Variants in ITGA1 observed in about 807,000 individuals in gnomAD.
The protein encoded by ITGA1 is integrin subunit alpha 1.
In ITGA1, 85 loss-of-function variants were observed where a neutral mutation model predicts 145.9. The ratio of observed to expected loss-of-function variants is 0.58; its 90% CI spans 0.49 to 0.70. ITGA1 has a LOEUF of 0.70. Among genes scored for constraint, ITGA1 ranks in the 30% least tolerant of loss-of-function variants. The pLI is 0.00. For synonymous variants in ITGA1, 520 were observed against 495.3 expected, an observed-to-expected ratio of 1.05 and a Z score of -0.66; for missense variants, 1,351 against 1,418.7, an observed-to-expected ratio of 0.95 and a Z score of 0.77.
intron 16 of ITGA1, 31 bp from the exon 17 acceptor site, chr5:52,920,301 T>C: frequency 6.6e-7 from 1 of 1,520,690 alleles, no homozygotes; most frequent in Non-Finnish European, 8.9e-7. Flanking sequence ...AAATAAACAT[T>C]TCCATCAATT....
chr5:52,858,536 G>A (rs1483301017), intron 2 of ITGA1, among the ~76,000 whole-genome samples: 1 of 152,146 alleles, frequency 6.6e-6, no homozygotes, highest in Non-Finnish European at 1.5e-5. Flanking sequence ...TAAATGCCCA[G>A]CATGTAAAAT....
chr5:52,803,573 C>T (rs535500408), intron 1 of ITGA1: 3 of 152,294 alleles, frequency 2.0e-5, no homozygotes, highest in Non-Finnish European at 4.4e-5. Flanking sequence ...CTTGAGAGCT[C>T]TTAAAACCCT....
At position 52,788,052 on chromosome 5, in the gene ITGA1, T is replaced by C. The variant is rs1293228076; in HGVS notation, c.-302T>C. On this transcript the variant is annotated 5_prime_UTR_variant, in exon 1 of 29. Coordinates refer to ENST00000282588, the MANE Select transcript of ITGA1 (RefSeq NM_181501.2). The stretch of plus-strand genomic sequence containing the variant: ...AAACACGGACCCGCGAAGCTGGCTT[T>C]ATTTGTCCATGTCTCGGACAGAGCC... 3 of 355,518 alleles carry C rather than the reference T, an allele frequency of 8.4e-6. No homozygotes were observed. Among genetic ancestry groups the C allele is most frequent in the Admixed American group, 4.8e-5 (1 of 20,704 alleles). The allele number at this position is 355,518 out of a possible 1,614,324, so 22.0% of individuals were successfully genotyped here.
intron 1 of ITGA1, chr5:52,800,050 G>A (rs1256655510): frequency 1.3e-5 from 4 of 317,200 alleles, no homozygotes; most frequent in Admixed American, 4.8e-5. Flanking sequence ...TTTGGGGACG[G>A]GAGACGTGCG....
In ITGA1 at chr5:52,947,281, C is replaced by T. The variant is rs116451922; in HGVS notation, c.3379-64C>T. On this transcript the variant is annotated intron_variant, in intron 27 of 28. Transcript: ENST00000282588. ...GGTAGAGAATTGTAGCCTGCAAGAA[C>T]TCAATGTTCCAGGAGTTCTAATAGG... The T allele has an allele frequency of 1.1e-3, 1,053 of 944,220 alleles. 10 individuals are homozygous for T. The African/African-American group carries it at 0.015, about 14-fold the overall frequency. 58.5% of individuals were successfully genotyped at this position (944,220 alleles called of 1,614,324 possible).
At chr5:52,925,834 G>A (rs1279731324) in intron 19 of ITGA1, among the ~76,000 whole-genome samples, 1 of 152,224 alleles carries the variant, frequency 6.6e-6, no homozygotes, top group East Asian at 1.9e-4. Context: ...AGGTACCTCT[G>A]TGTTAAGCAA....
intron 23 of ITGA1, among the ~76,000 whole-genome samples, chr5:52,936,906 T>C (rs1490884083): frequency 1.3e-5 from 2 of 152,038 alleles, no homozygotes; most frequent in Non-Finnish European, 2.9e-5. Context: ...GGTTTTCCTG[T>C]ATAGTGGTGG....
In ITGA1 at chr5:52,900,285, T is replaced by C. The variant is rs75259618; in HGVS notation, c.1309+1902T>C. On this transcript the variant is annotated intron_variant, in intron 11 of 28. Coordinates refer to ENST00000282588, the MANE Select transcript of ITGA1 (RefSeq NM_181501.2). ...AGGCTTCTGTTATATGTAGAATAAA[T>C]ATAGAACATTTATCTTCCTATATAA... Among the ~76,000 whole-genome samples, 513 of 152,290 alleles carry C rather than the reference T, an allele frequency of 3.4e-3. 2 individuals carry two copies. The highest frequency in any genetic ancestry group is 5.8e-3 in the Non-Finnish European group (394 of 68,016).
intron 14 of ITGA1, 140 bp downstream of exon 14, chr5:52,910,559 T>A: frequency 1.2e-6 from 1 of 829,888 alleles, no homozygotes; most frequent in Non-Finnish European, 1.8e-6. Flanking sequence ...TCTTTAAGTG[T>A]TTTTTATAGA....
chr5:52,854,463 A>G (rs1362153123), intron 2 of ITGA1, among the ~76,000 whole-genome samples: 1 of 152,020 alleles, frequency 6.6e-6, no homozygotes, highest in Non-Finnish European at 1.5e-5. Context: ...ACCTTTTATG[A>G]GCAAATCACT....
chr5:52,934,040 TA>T, intron 23 of ITGA1, 44 bp downstream of exon 23: 1 of 718,022 alleles, frequency 1.4e-6, no homozygotes, highest in Non-Finnish European at 2.1e-6. Flanking sequence ...GAGTTATTTG[TA>T]AATATATAAA....
intron 14 of ITGA1, among the ~76,000 whole-genome samples, chr5:52,910,960 AC>A (rs1561245770): frequency 7.5e-6 from 1 of 133,766 alleles, no homozygotes; most frequent in Non-Finnish European, 1.5e-5. Flanking sequence ...TAGTATATAC[AC>A]TATATATACT....
At chr5:52,847,227 T>C (rs1749351934) in intron 1 of ITGA1, among the ~76,000 whole-genome samples, 1 of 152,142 alleles carries the variant, frequency 6.6e-6, no homozygotes, top group African/African-American at 2.4e-5. Context: ...AATAGATATA[T>C]GGGTGTATCT....
At chr5:52,875,058 C>CT (rs1333232978) in intron 6 of ITGA1, among the ~76,000 whole-genome samples, 2 of 152,066 alleles carry the variant, frequency 1.3e-5, no homozygotes, top group Non-Finnish European at 2.9e-5. Flanking sequence ...GCTTATAAGT[C>CT]TAAATAGAAC....
chr5:52,906,402 T>C (rs1750408140), intron 12 of ITGA1, among the ~76,000 whole-genome samples: 1 of 152,210 alleles, frequency 6.6e-6, no homozygotes, highest in African/African-American at 2.4e-5. Flanking sequence ...GATTTTATCC[T>C]GGAGGTAATG....
chr5:52,900,888 T>C (rs889938283), intron 11 of ITGA1, among the ~76,000 whole-genome samples: 1 of 152,154 alleles, frequency 6.6e-6, no homozygotes, highest in Non-Finnish European at 1.5e-5. Context: ...TATTATTTTA[T>C]TATGTAAATG....
At chr5:52,861,389 A>G in intron 2 of ITGA1, 58 bp from the exon 3 acceptor site, 1 of 967,324 alleles carries the variant, frequency 1.0e-6, no homozygotes. Context: ...TCATAAAACA[A>G]CTCATATAAA....
intron 1 of ITGA1, among the ~76,000 whole-genome samples, chr5:52,793,890 T>C (rs1232295906): frequency 1.3e-5 from 2 of 152,060 alleles, no homozygotes; most frequent in South Asian, 2.1e-4. Context: ...TTAATGACTC[T>C]AGCTTTGGCA....
In ITGA1 at chr5:52,939,963, C is replaced by T. The variant is rs558345612; in HGVS notation, c.3285+19C>T. On this transcript the variant is annotated intron_variant, in intron 26 of 28. Coordinates refer to ENST00000282588, the MANE Select transcript of ITGA1 (RefSeq NM_181501.2). ...TATAAAAGTAAGTAAATACATAGTT[C>T]TATGCACTTATTGAATAATATCAAT... 1.2e-5 allele frequency: 15 copies of T among 1,249,508 alleles called. No homozygotes were observed. The highest frequency in any genetic ancestry group is 6.0e-5 in the South Asian group (5 of 83,342). 77.4% of individuals were successfully genotyped at this position (1,249,508 alleles called of 1,614,324 possible). A position where few individuals can be genotyped will look rare whatever the true frequency, so the allele number is the denominator to read the frequency against.
Sources: gnomAD v4.1 joint callset for allele counts (sites outside exome capture counted in the v4.1 genomes callset) on GRCh38, gnomAD v4.1.1 for gene constraint, MANE v1.5 for transcripts, NCBI Gene and HGNC (gene_info 2026-07-23, HGNC 2026-07-21) for gene names.